The following CNIH4 variants were observed in gnomAD, a reference collection of about 807,000 sequenced individuals.
CNIH4 encodes cornichon family member 4.
In CNIH4, 9 loss-of-function variants were observed where a neutral mutation model predicts 21.5. That is an observed-to-expected ratio of 0.42 (90% confidence interval 0.25 to 0.73). The LOEUF is 0.73. CNIH4 is among the 30% of genes least tolerant of loss of function. The pLI, the probability that CNIH4 is intolerant of heterozygous loss-of-function variation, is 0.27. For synonymous variants in CNIH4, 67 were observed against 59.1 expected, an observed-to-expected ratio of 1.13 and a Z score of -0.61; for missense variants, 159 against 170.0, an observed-to-expected ratio of 0.94 and a Z score of 0.36.
chr1:224,366,023 G>T (rs763694459), intron 3 of CNIH4, 32 bp downstream of exon 3: 1 of 1,364,812 alleles, frequency 7.3e-7, no homozygotes, highest in East Asian at 2.3e-5. Context: ...TGGTGTCAAG[G>T]TAGTTAAAAA....
At position 224,378,150 on chromosome 1, in the gene CNIH4, A is replaced by T. The variant is rs1035190953; in HGVS notation, c.*2328A>T. ...GTACACTGCAGCCTTGAACTCCTGGACTCAAGCAGTCCTCCTGCCTCAGCT... is the reference window on the plus strand; with the variant it reads ...GTACACTGCAGCCTTGAACTCCTGGTCTCAAGCAGTCCTCCTGCCTCAGCT... On this transcript the variant is annotated 3_prime_UTR_variant, in exon 5 of 5. Transcript: ENST00000465271. 8.6e-5 allele frequency: 13 copies of T among 151,874 alleles called. No individual in the cohort carries two copies. The highest frequency in any genetic ancestry group is 2.9e-4 in the African/African-American group (12 of 41,278). The allele number at this position is 151,874 out of a possible 1,614,324, so 9.4% of individuals were successfully genotyped here.
intron 3 of CNIH4, among the ~76,000 whole-genome samples, chr1:224,369,769 C>T (rs780492355): frequency 1.5e-4 from 23 of 150,982 alleles, no homozygotes; most frequent in Non-Finnish European, 2.8e-4. Context: ...CTCCGTCTCC[C>T]GGGTCCAAGC....
upstream of CNIH4, chr1:224,356,810 C>A: frequency 1.2e-6 from 1 of 832,576 alleles, no homozygotes; most frequent in Non-Finnish European, 2.0e-6. Context: ...CCCGGCATGC[C>A]ACACCAGGAT....
intron 3 of CNIH4, 112 bp downstream of exon 3, chr1:224,366,103 G>A (rs1027108028): frequency 1.4e-5 from 10 of 711,174 alleles, no homozygotes; most frequent in Admixed American, 3.9e-5. Flanking sequence ...GTGCAGTGGT[G>A]TGATCTCAGC....
chr1:224,365,971 T>C lies in CNIH4; in HGVS notation c.231T>C (p.Val77=), dbSNP rs1186412041. 2.5e-6 allele frequency: 4 copies of C among 1,599,792 alleles called. No homozygotes were observed. The highest frequency in any genetic ancestry group is 3.4e-6 in the Non-Finnish European group (4 of 1,166,998). Residue 77 remains valine, a synonymous_variant, in exon 3 of 5, where the codon GTT becomes GTC. Transcript: ENST00000465271. The stretch of plus-strand genomic sequence containing the variant: ...TCATCTTCCTTCTCAACTTACCTGT[T>C]GCCACTTGGAATATATATCGGTGAG... ...HWFIFLLNLP[V]ATWNIYRYIM... is the part of the protein sequence containing the mutation.
At chr1:224,362,938 G>T (rs1256783276) in intron 2 of CNIH4, among the ~76,000 whole-genome samples, 1 of 151,930 alleles carries the variant, frequency 6.6e-6, no homozygotes, top group Non-Finnish European at 1.5e-5. Context: ...CAATTGATCT[G>T]CTGGATTGAT....
chr1:224,369,851 T>C (rs146188762), intron 3 of CNIH4, among the ~76,000 whole-genome samples: 1 of 151,944 alleles, frequency 6.6e-6, no homozygotes, highest in African/African-American at 2.4e-5. Context: ...TAATTTTGTA[T>C]TTTTAGTAGC....
At chr1:224,367,502 A>G (rs1330024329) in intron 3 of CNIH4, among the ~76,000 whole-genome samples, 2 of 151,774 alleles carry the variant, frequency 1.3e-5, no homozygotes, top group African/African-American at 2.4e-5. Flanking sequence ...TCATTTTTTA[A>G]TATACTGAAC....
chr1:224,371,797 G>A (rs1190267762), intron 4 of CNIH4, among the ~76,000 whole-genome samples: 2 of 152,074 alleles, frequency 1.3e-5, no homozygotes, highest in Admixed American at 1.3e-4. Context: ...ACAAAATTAG[G>A]TGGGCGTGGT....
intron 2 of CNIH4, among the ~76,000 whole-genome samples, chr1:224,361,071 C>G (rs1672273008): frequency 1.3e-5 from 2 of 149,930 alleles, no homozygotes; most frequent in African/African-American, 2.5e-5. Flanking sequence ...CCTCGGCCTT[C>G]TGAGTAGCTG....
chr1:224,365,747 A>C, intron 2 of CNIH4, 132 bp from the exon 3 acceptor site: 1 of 682,222 alleles, frequency 1.5e-6, no homozygotes, highest in Non-Finnish European at 2.7e-6. Context: ...AATCTGGGAC[A>C]TGGGAGTCTA....
chr1:224,366,868 T>G (rs1323850828), intron 3 of CNIH4, among the ~76,000 whole-genome samples: 2 of 148,492 alleles, frequency 1.3e-5, no homozygotes, highest in African/African-American at 5.0e-5. Flanking sequence ...GAGGCTGAGG[T>G]GGGAGAATGG....
At chr1:224,360,393 C>A in intron 1 of CNIH4, 102 bp from the exon 2 acceptor site, 1 of 566,118 alleles carries the variant, frequency 1.8e-6, no homozygotes, top group Non-Finnish European at 3.0e-6. Context: ...TCATTTTTTT[C>A]AAGTCAAATC....
chr1:224,362,487 C>CT (rs34251914), intron 2 of CNIH4, among the ~76,000 whole-genome samples: 1 of 83,742 alleles, frequency 1.2e-5, no homozygotes, highest in African/African-American at 4.1e-5. Flanking sequence ...TCGCTGTGTA[C>CT]TTTTTTTTTT....
At chr1:224,370,867 T>C (rs1012360363) in intron 3 of CNIH4, among the ~76,000 whole-genome samples, 5 of 151,458 alleles carry the variant, frequency 3.3e-5, no homozygotes, top group African/African-American at 1.2e-4. Context: ...GCTGCTATGA[T>C]TGGCTCACTT....
At chr1:224,364,241 GAAA>G (rs887301398) in intron 2 of CNIH4, 1 of 853,392 alleles carries the variant, frequency 1.2e-6, no homozygotes. Flanking sequence ...AAAACAAGAG[GAAA>G]AAAAAAAGAA....
intron 3 of CNIH4, among the ~76,000 whole-genome samples, chr1:224,369,338 C>T (rs1464345577): frequency 6.6e-6 from 1 of 152,048 alleles, no homozygotes; most frequent in Non-Finnish European, 1.5e-5. Flanking sequence ...TTTGGGAGGC[C>T]GAGGTGGGAG....
At chr1:224,370,257 T>C (rs549735021) in intron 3 of CNIH4, among the ~76,000 whole-genome samples, 14 of 151,684 alleles carry the variant, frequency 9.2e-5, no homozygotes, top group Non-Finnish European at 1.9e-4. Context: ...ACCTAGAAAT[T>C]AGACAAGGAT....
rs1672796087 is a variant in CNIH4, at chr1:224,376,866, A to G, written c.*1044A>G. The G allele has an allele frequency of 2.1e-5, 21 of 985,310 alleles. No individual in the cohort carries two copies. Among genetic ancestry groups the G allele is most frequent in the Non-Finnish European group, 2.4e-5 (20 of 829,940 alleles). The allele number at this position is 985,310 out of a possible 1,614,324, so 61.0% of individuals were successfully genotyped here. On this transcript the variant is annotated 3_prime_UTR_variant, in exon 5 of 5. Transcript: ENST00000465271. Reference sequence around the variant, plus strand: ...TGCCAGCTCTTACAGGGTAAAATAAACCTGGCAATTTATCCTCAGTCCTAG... The same window carrying G: ...TGCCAGCTCTTACAGGGTAAAATAAGCCTGGCAATTTATCCTCAGTCCTAG...
Sources: gnomAD v4.1 joint callset for allele counts (sites outside exome capture counted in the v4.1 genomes callset) on GRCh38, gnomAD v4.1.1 for gene constraint, MANE v1.5 for transcripts, NCBI Gene and HGNC (gene_info 2026-07-23, HGNC 2026-07-21) for gene names.